The following SSBP3 variants were observed in gnomAD, a reference collection of about 807,000 sequenced individuals.
The protein encoded by SSBP3 is single-stranded DNA-binding protein 3.
In SSBP3, 5 loss-of-function variants were observed where a neutral mutation model predicts 69.6. That is an observed-to-expected ratio of 0.07 (90% CI 0.04 to 0.15). The LOEUF (loss-of-function observed/expected upper bound fraction) is 0.15, where lower values mean the gene tolerates loss of function less well. Ranked by LOEUF, SSBP3 falls within the 10% of genes least tolerant of loss-of-function variation. The pLI is 1.00. For missense variants in SSBP3, 312 were observed against 534.0 expected, an observed-to-expected ratio of 0.58 and a Z score of 4.10; for synonymous variants, 196 against 193.4, an observed-to-expected ratio of 1.01 and a Z score of -0.11.
chr1:54,378,675 C>T (rs922526398), intron 4 of SSBP3, among the ~76,000 whole-genome samples: 1 of 152,188 alleles, frequency 6.6e-6, no homozygotes, highest in Admixed American at 6.5e-5. Context: ...GCCAGGCCTG[C>T]CCCTACTAGC....
chr1:54,330,796 C>T (rs1172269065), intron 4 of SSBP3, among the ~76,000 whole-genome samples: 1 of 152,202 alleles, frequency 6.6e-6, no homozygotes, highest in Non-Finnish European at 1.5e-5. Flanking sequence ...CAAAACCAGG[C>T]AGCAAAGAGA....
At chr1:54,238,387 G>C (rs1053386673) in intron 14 of SSBP3, 1 of 465,074 alleles carries the variant, frequency 2.2e-6, no homozygotes, top group Non-Finnish European at 4.5e-6. Context: ...GAGGGGCAAG[G>C]CTGAACAGGT....
At chr1:54,280,750 G>A (rs935928685) in intron 5 of SSBP3, among the ~76,000 whole-genome samples, 16 of 152,152 alleles carry the variant, frequency 1.1e-4, no homozygotes, top group African/African-American at 2.9e-4. Flanking sequence ...TGGCAGCCGC[G>A]CCCAACCTGG....
intron 4 of SSBP3, among the ~76,000 whole-genome samples, chr1:54,366,621 C>A (rs1647032977): frequency 1.3e-5 from 2 of 152,180 alleles, no homozygotes; most frequent in South Asian, 4.1e-4. Context: ...ACTAGTTATA[C>A]CTGGTACCAG....
exon 10 of SSBP3, chr1:54,243,255 G>A (rs762666647): frequency 1.2e-5 from 19 of 1,613,792 alleles, no homozygotes; most frequent in African/African-American, 2.7e-5. Flanking sequence ...CGGGCATGGC[G>A]GGGCCGAGGG....
At chr1:54,397,075 A>T (rs1281242671) in intron 4 of SSBP3, among the ~76,000 whole-genome samples, 1 of 152,194 alleles carries the variant, frequency 6.6e-6, no homozygotes, top group Non-Finnish European at 1.5e-5. Context: ...GGGGAAAAAG[A>T]AGTGTGTATG....
chr1:54,331,674 C>A (rs1646412761), intron 4 of SSBP3, among the ~76,000 whole-genome samples: 1 of 152,214 alleles, frequency 6.6e-6, no homozygotes, highest in Non-Finnish European at 1.5e-5. Flanking sequence ...GAGAAGCCTG[C>A]TGCTCACACA....
intron 4 of SSBP3, among the ~76,000 whole-genome samples, chr1:54,293,054 G>A (rs996361461): frequency 2.0e-5 from 3 of 152,194 alleles, no homozygotes; most frequent in African/African-American, 7.2e-5. Context: ...ACCTGCTTCT[G>A]ACCAAGACAC....
At chr1:54,386,683 C>CTTTTTTTTTTTTTTTTTTTTTCTTTTT (rs58429798) in intron 4 of SSBP3, among the ~76,000 whole-genome samples, 1 of 76,136 alleles carries the variant, frequency 1.3e-5, no homozygotes. Context: ...ACTGATCCTA[C>CTTTTTTTTTTTTTTTTTTTTTCTTTTT]TTTTTTTTTT....
chr1:54,288,186 C>A (rs140308354), intron 4 of SSBP3, among the ~76,000 whole-genome samples: 1 of 152,164 alleles, frequency 6.6e-6, no homozygotes, highest in African/African-American at 2.4e-5. Context: ...GACCCACCAC[C>A]GCCTGGGCCT....
intron 4 of SSBP3, among the ~76,000 whole-genome samples, chr1:54,396,011 C>T (rs535508768): frequency 6.6e-6 from 1 of 151,758 alleles, no homozygotes; most frequent in Non-Finnish European, 1.5e-5. Context: ...GCCAAGATGG[C>T]GAAACCCTGT....
intron 5 of SSBP3, among the ~76,000 whole-genome samples, chr1:54,280,251 C>T (rs1487556438): frequency 6.6e-6 from 1 of 152,240 alleles, no homozygotes; most frequent in Non-Finnish European, 1.5e-5. Flanking sequence ...CTAGAATCAT[C>T]TTCCAGATCA....
At chr1:54,265,690 T>G (rs1645089598) in intron 5 of SSBP3, among the ~76,000 whole-genome samples, 1 of 152,194 alleles carries the variant, frequency 6.6e-6, no homozygotes. Flanking sequence ...AAAGCAGGAA[T>G]GTACTGCATC....
chr1:54,396,193 G>GAAAAAAAAAAAAAA lies in SSBP3; in HGVS notation c.276+5654_276+5667dup, dbSNP rs59276509. Among the ~76,000 whole-genome samples, 101 of 40,574 alleles carry GAAAAAAAAAAAAAA rather than the reference G, an allele frequency of 2.5e-3. 9 individuals are homozygous for GAAAAAAAAAAAAAA. The highest frequency in any genetic ancestry group is 0.015 in the East Asian group (9 of 594). 26.6% of individuals were successfully genotyped at this position (40,574 alleles called of 152,430 possible). A position where few individuals can be genotyped will look rare whatever the true frequency, so the allele number is the denominator to read the frequency against. ...GGTGACAGAGTGAGACTCCATCTCA[G>GAAAAAAAAAAAAAA]AAAAAAAAAAAAAAAAAAAAAAAAA... On this transcript the variant is annotated intron_variant, in intron 4 of 17. Transcript: ENST00000610401.
chr1:54,270,389 G>A lies in SSBP3; in HGVS notation c.366+11049C>T, dbSNP rs945595355. 4.6e-5 allele frequency among the ~76,000 whole-genome samples: 7 copies of A among 152,274 alleles called. No homozygotes were observed. In the South Asian group the frequency reaches 6.2e-4, roughly 14 times the overall value. ...CGGCAGCTCCTGTGCGGTGGAGCAGGGCACTAGGAGTCAAGGTGGCAGGGG... is the reference window on the plus strand; with the variant it reads ...CGGCAGCTCCTGTGCGGTGGAGCAGAGCACTAGGAGTCAAGGTGGCAGGGG... On this transcript the variant is annotated intron_variant, in intron 5 of 17. Coordinates refer to ENST00000610401, the Ensembl canonical transcript of SSBP3.
intron 9 of SSBP3, among the ~76,000 whole-genome samples, chr1:54,251,132 C>A (rs959235619): frequency 2.0e-5 from 3 of 152,150 alleles, no homozygotes; most frequent in African/African-American, 2.4e-5. Context: ...CCTGCTGGGG[C>A]CCACAGAGGT....
intron 14 of SSBP3, among the ~76,000 whole-genome samples, chr1:54,233,100 T>C (rs1374466408): frequency 1.4e-5 from 2 of 141,086 alleles, no homozygotes; most frequent in East Asian, 2.1e-4. Flanking sequence ...GTGAGGAGCG[T>C]CTCCGCCCGG....
At chr1:54,384,103 C>T (rs535390577) in intron 4 of SSBP3, among the ~76,000 whole-genome samples, 1 of 50,866 alleles carries the variant, frequency 2.0e-5, no homozygotes, top group African/African-American at 1.5e-4. Flanking sequence ...AAGACTCCAT[C>T]TCAAAAAAAA....
chr1:54,325,314 A>G (rs531236151), intron 4 of SSBP3: 45 of 167,178 alleles, frequency 2.7e-4, no homozygotes, highest in African/African-American at 9.1e-4. Flanking sequence ...GTTAACCAAC[A>G]AGATGATTTG....
Sources: allele counts gnomAD v4.1 joint callset (sites outside exome capture counted in the v4.1 genomes callset), GRCh38; gene constraint gnomAD v4.1.1; transcripts MANE v1.5; gene names NCBI Gene and HGNC (gene_info 2026-07-23, HGNC 2026-07-21).